The following MAP2 variants were observed in gnomAD, a reference collection of about 807,000 sequenced individuals.
MAP2 encodes the protein microtubule associated protein 2.
A neutral mutation model predicts 137.6 loss-of-function variants in MAP2; 14 were observed. The observed-to-expected ratio is 0.10, with a 90% CI of 0.07 to 0.16. The LOEUF (loss-of-function observed/expected upper bound fraction) is 0.16, where lower values mean the gene tolerates loss of function less well. MAP2 is among the 10% of genes least tolerant of loss of function. The probability of loss-of-function intolerance (pLI) is 1.00; values close to 1 mark genes in which losing one functional copy is unlikely to be tolerated. For missense variants in MAP2, 2,088 were observed against 2,191.5 expected (o/e 0.95, Z 0.94); for synonymous variants, 786 against 782.3 (o/e 1.00, Z -0.08).
intron 2 of MAP2, among the ~76,000 whole-genome samples, chr2:209,537,061 T>C (rs977723409): frequency 6.6e-6 from 1 of 152,312 alleles, no homozygotes; most frequent in East Asian, 1.9e-4. Context: ...GTTTTTGCTT[T>C]ATTGTGCTTC....
At chr2:209,492,034 C>T (rs747515121) in intron 1 of MAP2, among the ~76,000 whole-genome samples, 6 of 152,146 alleles carry the variant, frequency 3.9e-5, no homozygotes, top group Non-Finnish European at 7.4e-5. Context: ...AACATCAATG[C>T]GAAAATCCTC....
At chr2:209,538,051 T>C (rs1310819249) in intron 2 of MAP2, among the ~76,000 whole-genome samples, 1 of 152,174 alleles carries the variant, frequency 6.6e-6, no homozygotes, top group Non-Finnish European at 1.5e-5. Flanking sequence ...TCTATCTCAC[T>C]TGAGCATCAC....
intron 1 of MAP2, among the ~76,000 whole-genome samples, chr2:209,447,693 A>G (rs532057076): frequency 1.3e-5 from 2 of 152,076 alleles, no homozygotes; most frequent in African/African-American, 4.8e-5. Flanking sequence ...GCAGATCATT[A>G]TTCAAGCCAG....
At chr2:209,586,869 A>C (rs1459269135) in intron 3 of MAP2, among the ~76,000 whole-genome samples, 1 of 152,192 alleles carries the variant, frequency 6.6e-6, no homozygotes. Context: ...GTTGGTGAGC[A>C]AGTCTGAAGT....
chr2:209,729,948 G>A lies in MAP2; in HGVS notation c.5254G>A (p.Gly1752Ser). 1 of 1,606,976 alleles carries A rather than the reference G, an allele frequency of 6.2e-7. No homozygotes were observed. The highest frequency in any genetic ancestry group is 8.5e-7 in the Non-Finnish European group (1 of 1,174,326). Reference protein sequence around the residue: ...SLDNAHHVPGGGNVKIDSQKL... With the variant: ...SLDNAHHVPGSGNVKIDSQKL... ...TGATAATGCTCATCATGTACCTGGA[G>A]GTGGTAATGTCAAGGTAAGAAACAA... The change falls in exon 15 of 16, where the codon GGT (glycine) becomes AGT (serine). Residue 1752 changes from glycine to serine, a missense_variant. By Grantham distance (56) the Gly-to-Ser change is moderately conservative. Coordinates refer to ENST00000682079, the MANE Select transcript of MAP2 (RefSeq NM_001375505.1).
chr2:209,647,784 T>G (rs1009077162), intron 4 of MAP2, among the ~76,000 whole-genome samples: 3 of 152,024 alleles, frequency 2.0e-5, no homozygotes, highest in Admixed American at 1.3e-4. Flanking sequence ...AAAAAACAGA[T>G]CTAAGGTTTA....
chr2:209,713,539 A>G (rs975529512), intron 13 of MAP2, among the ~76,000 whole-genome samples: 1 of 152,052 alleles, frequency 6.6e-6, no homozygotes, highest in African/African-American at 2.4e-5. Context: ...CAGTGTAGAT[A>G]ATTAGCTTGA....
Position 209,693,805 on chromosome 2 carries a change from T to C in MAP2, c.1635T>C (p.Asp545=). 1.9e-6 allele frequency: 3 copies of C among 1,614,016 alleles called. No homozygotes were observed. Among genetic ancestry groups the C allele is most frequent in the Non-Finnish European group, 2.5e-6 (3 of 1,179,988 alleles). The change falls in exon 8 of 16, where the codon GAT becomes GAC. Residue 545 remains aspartate (D), a synonymous_variant. Transcript: ENST00000682079. ...TTGAAATGAGAGTTGATGACAAAGATAAGATTGAAGGAGTTGGAGCTGCAA... is the reference window on the plus strand; with the variant it reads ...TTGAAATGAGAGTTGATGACAAAGACAAGATTGAAGGAGTTGGAGCTGCAA... The part of the protein sequence containing the change: ...ELFEMRVDDK[D]KIEGVGAATS...
chr2:209,453,200 ATGT>A (rs1486056965), intron 1 of MAP2, among the ~76,000 whole-genome samples: 1 of 152,076 alleles, frequency 6.6e-6, no homozygotes, highest in African/African-American at 2.4e-5. Context: ...AAGTGTAGCG[ATGT>A]TGTTGTTCCT....
chr2:209,619,673 A>G (rs2090557430), intron 3 of MAP2, among the ~76,000 whole-genome samples: 1 of 152,160 alleles, frequency 6.6e-6, no homozygotes, highest in Non-Finnish European at 1.5e-5. Context: ...AATCAGAGTC[A>G]GCATAAGCTA....
intron 2 of MAP2, among the ~76,000 whole-genome samples, chr2:209,528,749 T>C (rs1362337023): frequency 1.4e-5 from 2 of 146,272 alleles, no homozygotes; most frequent in African/African-American, 2.8e-5. Flanking sequence ...TGTATATATG[T>C]ACATATGTAT....
intron 2 of MAP2, among the ~76,000 whole-genome samples, chr2:209,577,235 A>G (rs1463454385): frequency 6.6e-6 from 1 of 151,470 alleles, no homozygotes; most frequent in East Asian, 1.9e-4. Context: ...GGGTCGGGGG[A>G]AGAATTCTAA....
intron 5 of MAP2, among the ~76,000 whole-genome samples, chr2:209,665,727 TATC>T (rs1221762528): frequency 6.6e-6 from 1 of 152,138 alleles, no homozygotes; most frequent in Non-Finnish European, 1.5e-5. Context: ...TAAACAACAT[TATC>T]ATATCAAATT....
chr2:209,694,633 T>C lies in MAP2; in HGVS notation c.2463T>C (p.Ser821=), dbSNP rs142716142. The C allele has an allele frequency of 3.7e-6, 6 of 1,614,056 alleles. No individual in the cohort carries two copies. The highest frequency in any genetic ancestry group is 5.1e-6 in the Non-Finnish European group (6 of 1,180,038). Residue 821 remains serine, a synonymous_variant, in exon 8 of 16, where the codon TCT becomes TCC. Transcript: ENST00000682079. ...CAGGCACAAGGTCAAGATTGGCTTC[T>C]GTGAGTGCAGATGCTGAGGTTGCCA... is the stretch of plus-strand genomic sequence containing the variant. ...DLAGTRSRLA[S]VSADAEVARR...
chr2:209,709,734 C>T (rs1185835007), intron 12 of MAP2, among the ~76,000 whole-genome samples, 180 bp from the exon 13 acceptor site: 1 of 152,024 alleles, frequency 6.6e-6, no homozygotes, highest in Non-Finnish European at 1.5e-5. Flanking sequence ...AGAATGCCAC[C>T]GGGTTATGCA....
intron 1 of MAP2, among the ~76,000 whole-genome samples, chr2:209,506,716 A>C (rs1350091850): frequency 6.6e-6 from 1 of 152,130 alleles, no homozygotes; most frequent in Non-Finnish European, 1.5e-5. Flanking sequence ...GGTGCAAGAG[A>C]CCACTGGAAA....
chr2:209,613,473 A>G (rs1487056478), intron 3 of MAP2, among the ~76,000 whole-genome samples: 1 of 152,164 alleles, frequency 6.6e-6, no homozygotes, highest in Non-Finnish European at 1.5e-5. Flanking sequence ...CCTTAGAGCC[A>G]AAGCCCCTGC....
At position 209,526,665 on chromosome 2, in the gene MAP2, G is replaced by A. The variant is rs538296277; in HGVS notation, c.-172+19024G>A. On this transcript the variant is annotated intron_variant, in intron 2 of 15. Coordinates refer to ENST00000682079, the MANE Select transcript of MAP2 (RefSeq NM_001375505.1). The stretch of plus-strand genomic sequence containing the variant: ...CTAACCAAACAGTGTCTTCTAACTA[G>A]ATTATCTTCATACTAGATCCTTGCA... Among the ~76,000 whole-genome samples the A allele has an allele frequency of 4.0e-5, 6 of 148,236 alleles. No homozygotes were observed. The South Asian group carries it at 1.1e-3, about 27-fold the overall frequency.
chr2:209,483,975 G>A (rs2058046219), intron 1 of MAP2, among the ~76,000 whole-genome samples: 1 of 152,040 alleles, frequency 6.6e-6, no homozygotes. Flanking sequence ...CTTTACCCAG[G>A]TTATCATCCC....
Sources: allele counts gnomAD v4.1 joint callset (sites outside exome capture counted in the v4.1 genomes callset), GRCh38; gene constraint gnomAD v4.1.1; transcripts MANE v1.5; gene names NCBI Gene and HGNC (gene_info 2026-07-23, HGNC 2026-07-21).